Variants in TNNI3K observed in about 807,000 individuals in gnomAD.
TNNI3K encodes TNNI3 interacting kinase, also known as serine/threonine-protein kinase TNNI3K.
Under a neutral mutation model 114.5 loss-of-function variants are expected in TNNI3K, and 140 were observed. That is an observed-to-expected ratio of 1.22 (90% confidence interval 1.07 to 1.41). The LOEUF is 1.41. Among genes scored for constraint, TNNI3K ranks in the 40% most tolerant of loss-of-function variants. The pLI is 0.00. For missense variants in TNNI3K, 1,125 were observed against 1,007.6 expected (o/e 1.12, Z -1.58); for synonymous variants, 347 against 347.5 (o/e 1.00, Z 0.02).
intron 17 of TNNI3K, among the ~76,000 whole-genome samples, chr1:74,412,269 C>T (rs1390271884): frequency 6.6e-6 from 1 of 152,116 alleles, no homozygotes; most frequent in Non-Finnish European, 1.5e-5. Flanking sequence ...TATTAATCCC[C>T]TCCCCCACTC....
intron 23 of TNNI3K, among the ~76,000 whole-genome samples, chr1:74,521,630 C>G (rs1402508284): frequency 6.6e-6 from 1 of 152,108 alleles, no homozygotes; most frequent in East Asian, 1.9e-4. Context: ...TAAAGACGCA[C>G]TATATTCCTA....
intron 23 of TNNI3K, among the ~76,000 whole-genome samples, chr1:74,535,418 C>T (rs985419080): frequency 5.9e-5 from 9 of 152,088 alleles, no homozygotes; most frequent in Non-Finnish European, 1.0e-4. Context: ...TGCAGTGAGC[C>T]GAGATTGCAT....
chr1:74,522,118 T>C (rs1646441314), intron 23 of TNNI3K, among the ~76,000 whole-genome samples: 1 of 152,114 alleles, frequency 6.6e-6, no homozygotes, highest in African/African-American at 2.4e-5. Flanking sequence ...GATTGTTCTT[T>C]TTAAAAAAAA....
chr1:74,524,242 G>A (rs1486597336), intron 23 of TNNI3K, among the ~76,000 whole-genome samples: 1 of 152,238 alleles, frequency 6.6e-6, no homozygotes, highest in East Asian at 1.9e-4. Context: ...TGAAGAGTCT[G>A]TTGGGAATTT....
chr1:74,256,283 C>CTTTTTT (rs61636791), intron 4 of TNNI3K, among the ~76,000 whole-genome samples: 2 of 42,804 alleles, frequency 4.7e-5, no homozygotes, highest in Non-Finnish European at 5.0e-5. Flanking sequence ...TGTGGTCAGT[C>CTTTTTT]TTTTTTTTTT....
intron 17 of TNNI3K, among the ~76,000 whole-genome samples, chr1:74,393,120 C>G (rs1343030210): frequency 6.6e-6 from 1 of 152,156 alleles, no homozygotes; most frequent in East Asian, 1.9e-4. Flanking sequence ...AGGTGAAAGG[C>G]AGCGGGCACT....
intron 17 of TNNI3K, among the ~76,000 whole-genome samples, chr1:74,412,188 T>C (rs1361949016): frequency 6.6e-6 from 1 of 152,072 alleles, no homozygotes; most frequent in East Asian, 1.9e-4. Context: ...TCTAATTAAA[T>C]CTCTGATTTG....
At chr1:74,287,359 C>T (rs368613991) in intron 5 of TNNI3K, among the ~76,000 whole-genome samples, 49 of 152,184 alleles carry the variant, frequency 3.2e-4, no homozygotes, top group African/African-American at 9.6e-4. Flanking sequence ...TATCCTTATC[C>T]ATGAAGCCCA....
chr1:74,319,904 G>A lies in TNNI3K; in HGVS notation c.445-11546G>A, dbSNP rs1378686975. On this transcript the variant is annotated intron_variant, in intron 5 of 24. Coordinates refer to ENST00000326637, the MANE Select transcript of TNNI3K (RefSeq NM_015978.3). ...GGAAAACTTGGCTCCAAGAGCAATG[G>A]TTTTTGACCATAGCATAGCATAGCA... Among the ~76,000 whole-genome samples, 3 of 152,164 alleles carry A rather than the reference G, an allele frequency of 2.0e-5. 1 individual carries two copies. Among genetic ancestry groups the A allele is most frequent in the Non-Finnish European group, 4.4e-5 (3 of 68,018 alleles).
In TNNI3K at chr1:74,348,269, G is replaced by T. The variant is rs573505238; in HGVS notation, c.933-4997G>T. On this transcript the variant is annotated intron_variant, in intron 9 of 24. Transcript: ENST00000326637. Reference sequence around the variant, plus strand: ...TTAAATAGGGAATCCTTTCCCCATTGCTTGTTTTTGTCAGGTTTGTCAAAG... The same window carrying T: ...TTAAATAGGGAATCCTTTCCCCATTTCTTGTTTTTGTCAGGTTTGTCAAAG... Among the ~76,000 whole-genome samples the T allele has an allele frequency of 2.4e-3, 373 of 152,282 alleles. 3 individuals carry two copies. The highest frequency in any genetic ancestry group is 0.014 in the Middle Eastern group (4 of 294).
At chr1:74,327,728 CAT>C (rs1321578902) in intron 5 of TNNI3K, among the ~76,000 whole-genome samples, 2 of 146,296 alleles carry the variant, frequency 1.4e-5, no homozygotes, top group East Asian at 4.0e-4. Context: ...ATATTAAACA[CAT>C]ATTTAATAAT....
At chr1:74,237,956 A>G (rs973692384) in intron 2 of TNNI3K, among the ~76,000 whole-genome samples, 2 of 152,056 alleles carry the variant, frequency 1.3e-5, no homozygotes, top group East Asian at 3.8e-4. Flanking sequence ...TCACATGGTC[A>G]GTAAATTCTG....
chr1:74,251,562 C>A (rs1654929848), intron 4 of TNNI3K, among the ~76,000 whole-genome samples: 1 of 152,156 alleles, frequency 6.6e-6, no homozygotes, highest in South Asian at 2.1e-4. Context: ...TGATTAAAGT[C>A]AAGTACAGTT....
chr1:74,288,893 TTTTA>T (rs1174376806), intron 5 of TNNI3K, among the ~76,000 whole-genome samples: 3 of 151,956 alleles, frequency 2.0e-5, no homozygotes, highest in African/African-American at 7.2e-5. Context: ...AATACATACT[TTTTA>T]TTTGTCAGTT....
At position 74,395,079 on chromosome 1, in the gene TNNI3K, A is replaced by G. The variant is rs571649830; in HGVS notation, c.1772+24687A>G. On this transcript the variant is annotated intron_variant, in intron 17 of 24. Coordinates refer to ENST00000326637, the MANE Select transcript of TNNI3K (RefSeq NM_015978.3). Reference sequence around the variant, plus strand: ...AAAAGAGAAAACACTTAAAGCCCCTACACAACAACTGATAGGTGACATCCG... The same window carrying G: ...AAAAGAGAAAACACTTAAAGCCCCTGCACAACAACTGATAGGTGACATCCG... Among the ~76,000 whole-genome samples the G allele has an allele frequency of 2.0e-5, 3 of 151,732 alleles. No homozygotes were observed. In the East Asian group the frequency reaches 5.8e-4, roughly 29 times the overall value.
rs202238194 is a variant in TNNI3K, at chr1:74,492,217, G to A, written c.2302G>A (p.Glu768Lys). 10 of 1,612,622 alleles carry A rather than the reference G, an allele frequency of 6.2e-6. No homozygotes were observed. The highest frequency in any genetic ancestry group is 7.6e-6 in the Non-Finnish European group (9 of 1,178,992). ...SHVAALRSRFELEYALNARSY... is the reference protein window; with the variant it reads ...SHVAALRSRFKLEYALNARSY... Reference sequence around the variant, plus strand: ...TGTGGCAGCATTAAGAAGTCGTTTCGAATTGGAATATGCTCTAAATGCAAG... The same window carrying A: ...TGTGGCAGCATTAAGAAGTCGTTTCAAATTGGAATATGCTCTAAATGCAAG... Residue 768 changes from glutamate to lysine, a missense_variant, in exon 23 of 25, where the codon GAA becomes AAA. Glu to Lys is a moderately conservative substitution (Grantham distance 56, BLOSUM62 1). Coordinates refer to ENST00000326637, the MANE Select transcript of TNNI3K (RefSeq NM_015978.3).
intron 5 of TNNI3K, 131 bp downstream of exon 5, chr1:74,271,839 G>A (rs964600432): frequency 1.5e-6 from 1 of 652,336 alleles, no homozygotes; most frequent in South Asian, 2.6e-5. Context: ...AACACATTGG[G>A]GTAAAATTTA....
At chr1:74,523,364 T>A (rs748046367) in intron 23 of TNNI3K, among the ~76,000 whole-genome samples, 1 of 152,234 alleles carries the variant, frequency 6.6e-6, no homozygotes. Flanking sequence ...TATACACATA[T>A]CTAAGAGAAC....
At chr1:74,483,219 A>G in intron 21 of TNNI3K, 8 of 713,556 alleles carry the variant, frequency 1.1e-5, no homozygotes, top group Non-Finnish European at 2.1e-5. Flanking sequence ...CCAATTTTCC[A>G]GGTACACTGA....
Sources: allele counts gnomAD v4.1 joint callset (sites outside exome capture counted in the v4.1 genomes callset), GRCh38; gene constraint gnomAD v4.1.1; transcripts MANE v1.5; gene names NCBI Gene and HGNC (gene_info 2026-07-23, HGNC 2026-07-21).